The following CNTN4 variants were observed in gnomAD, a reference collection of about 807,000 sequenced individuals.
CNTN4 encodes contactin 4.
CNTN4 carries 77 observed loss-of-function variants against 122.5 expected under a neutral mutation model. That is an observed-to-expected ratio of 0.63 (90% confidence interval 0.52 to 0.76). The LOEUF (loss-of-function observed/expected upper bound fraction) is 0.76, where lower values mean the gene tolerates loss of function less well. Ranked by LOEUF, CNTN4 falls within the 30% of genes least tolerant of loss-of-function variation. CNTN4 has a pLI of 0.00. For synonymous variants in CNTN4, 512 were observed against 447.0 expected (o/e 1.15, Z -1.83); for missense variants, 1,256 against 1,259.1 (o/e 1.00, Z 0.04).
At chr3:2,895,850 G>A (rs187042641) in intron 10 of CNTN4, among the ~76,000 whole-genome samples, 10 of 151,920 alleles carry the variant, frequency 6.6e-5, no homozygotes, top group South Asian at 4.2e-4. Context: ...CTGGCTAACA[G>A]GGTGAAACCC....
chr3:2,725,394 A>C (rs1446384930), intron 4 of CNTN4, among the ~76,000 whole-genome samples: 1 of 152,150 alleles, frequency 6.6e-6, no homozygotes, highest in Non-Finnish European at 1.5e-5. Flanking sequence ...CCTCATTTTT[A>C]ACTGGCTCTC....
At chr3:2,801,135 T>G (rs2092337179) in intron 6 of CNTN4, among the ~76,000 whole-genome samples, 1 of 149,972 alleles carries the variant, frequency 6.7e-6, no homozygotes, top group Admixed American at 6.7e-5. Flanking sequence ...TTTGTCTGCT[T>G]TGTTCATTGT....
At chr3:2,113,205 A>T (rs1313585469) in intron 2 of CNTN4, among the ~76,000 whole-genome samples, 1 of 152,198 alleles carries the variant, frequency 6.6e-6, no homozygotes, top group East Asian at 1.9e-4. Context: ...ATATCTGAAT[A>T]TAACATAATA....
chr3:2,759,176 A>G (rs1398796404), intron 6 of CNTN4, among the ~76,000 whole-genome samples: 1 of 151,670 alleles, frequency 6.6e-6, no homozygotes, highest in Non-Finnish European at 1.5e-5. Flanking sequence ...TTTTTTTGAG[A>G]TGGAGTTTTG....
chr3:2,857,644 T>C (rs1426611356), intron 7 of CNTN4, among the ~76,000 whole-genome samples: 1 of 152,114 alleles, frequency 6.6e-6, no homozygotes, highest in Non-Finnish European at 1.5e-5. Flanking sequence ...GTGGTGCGAT[T>C]ATGGTTCACT....
chr3:2,823,259 G>A (rs570184391), intron 7 of CNTN4, among the ~76,000 whole-genome samples: 165 of 152,302 alleles, frequency 1.1e-3, no homozygotes, highest in Non-Finnish European at 1.8e-3. Context: ...GAAGGGAAAT[G>A]AGTCAGCCTT....
intron 13 of CNTN4, among the ~76,000 whole-genome samples, chr3:2,940,517 C>T (rs2151497414): frequency 6.6e-6 from 1 of 152,124 alleles, no homozygotes; most frequent in East Asian, 1.9e-4. Context: ...ATATTTGTGG[C>T]AAGGATCTCA....
At chr3:2,688,024 T>C (rs544816751) in intron 4 of CNTN4, among the ~76,000 whole-genome samples, 19 of 152,038 alleles carry the variant, frequency 1.2e-4, no homozygotes, top group African/African-American at 4.6e-4. Flanking sequence ...TTGCTCTCAA[T>C]TGAACAGAAA....
At chr3:2,135,065 C>A (rs1159845461) in intron 2 of CNTN4, among the ~76,000 whole-genome samples, 1 of 152,132 alleles carries the variant, frequency 6.6e-6, no homozygotes, top group Non-Finnish European at 1.5e-5. Flanking sequence ...TCAGTAGTAT[C>A]AAGGCTGGGA....
Position 3,057,605 on chromosome 3 carries a change from T to G in CNTN4, c.*1385T>G, listed in dbSNP as rs1303266982. On this transcript the variant is annotated 3_prime_UTR_variant, in exon 25 of 25. Transcript: ENST00000418658. ...TTCTTCTTTCTCAGAGAACTCAAATTTGCTATAGTTTGTCATTTTTGCTTA... is the reference window on the plus strand; with the variant it reads ...TTCTTCTTTCTCAGAGAACTCAAATGTGCTATAGTTTGTCATTTTTGCTTA... The G allele has an allele frequency of 6.6e-6, 1 of 152,616 alleles. No homozygotes were observed. Among genetic ancestry groups the G allele is most frequent in the Admixed American group, 6.5e-5 (1 of 15,276 alleles). 9.5% of individuals were successfully genotyped at this position (152,616 alleles called of 1,614,324 possible).
chr3:2,157,763 A>G (rs73095890), intron 2 of CNTN4, among the ~76,000 whole-genome samples: 3,811 of 152,312 alleles, frequency 0.025, 146 homozygotes, highest in African/African-American at 0.087. Flanking sequence ...TTATAGTTTC[A>G]AATGAATGTT....
At position 2,302,549 on chromosome 3, in the gene CNTN4, G is replaced by A. The variant is rs73807704; in HGVS notation, c.-144-36629G>A. On this transcript the variant is annotated intron_variant, in intron 2 of 24. Coordinates refer to ENST00000418658, the MANE Select transcript of CNTN4 (RefSeq NM_175607.3). Reference sequence around the variant, plus strand: ...TAACTGGTATATATTAACTAAAGTCGTTGAAATATTTAATTTTGAAATGCA... The same window carrying A: ...TAACTGGTATATATTAACTAAAGTCATTGAAATATTTAATTTTGAAATGCA... Among the ~76,000 whole-genome samples, 865 of 152,262 alleles carry A rather than the reference G, an allele frequency of 5.7e-3. 16 individuals carry two copies. Among genetic ancestry groups the A allele is most frequent in the African/African-American group, 0.019 (809 of 41,560 alleles).
chr3:2,145,832 G>A (rs1305967868), intron 2 of CNTN4, among the ~76,000 whole-genome samples: 1 of 151,844 alleles, frequency 6.6e-6, no homozygotes, highest in African/African-American at 2.4e-5. Flanking sequence ...CTTTTAATAT[G>A]AGAATATTTG....
At chr3:2,707,313 A>T (rs1291308412) in intron 4 of CNTN4, among the ~76,000 whole-genome samples, 1 of 151,784 alleles carries the variant, frequency 6.6e-6, no homozygotes, top group Non-Finnish European at 1.5e-5. Flanking sequence ...CTCAAAAAAA[A>T]AAACCCAAAA....
chr3:2,213,647 C>T (rs958947926), intron 2 of CNTN4, among the ~76,000 whole-genome samples: 1 of 152,144 alleles, frequency 6.6e-6, no homozygotes. Flanking sequence ...ATAAAATGCA[C>T]TCCAGGCTCC....
intron 6 of CNTN4, among the ~76,000 whole-genome samples, chr3:2,751,117 T>A (rs2090068779): frequency 6.7e-6 from 1 of 148,442 alleles, no homozygotes; most frequent in African/African-American, 2.5e-5. Flanking sequence ...CTGGCTAACA[T>A]GGTGAAACCC....
intron 4 of CNTN4, among the ~76,000 whole-genome samples, chr3:2,618,804 G>A (rs1302624290): frequency 1.3e-5 from 2 of 152,138 alleles, no homozygotes; most frequent in Non-Finnish European, 2.9e-5. Flanking sequence ...AAAACAATTT[G>A]TGTCTGCTCT....
intron 13 of CNTN4, among the ~76,000 whole-genome samples, chr3:2,961,000 G>A (rs558861950): frequency 2.0e-5 from 3 of 147,636 alleles, no homozygotes; most frequent in South Asian, 4.4e-4. Flanking sequence ...GGAGGCCGAG[G>A]CGGGTGGATC....
rs747724974 is a variant in CNTN4 at position 2,672,331 on chromosome 3, G to C, written c.56-63884G>C. 2.5e-4 allele frequency among the ~76,000 whole-genome samples: 38 copies of C among 152,250 alleles called. No individual in the cohort carries two copies. In the Middle Eastern group the frequency reaches 0.01, roughly 41 times the overall value. The stretch of plus-strand genomic sequence containing the variant: ...AGCAATGGTGGGCGCCCCTCCCCCA[G>C]CCTCGCTGCTGCCTTGCAGTTTGAT... On this transcript the variant is annotated intron_variant, in intron 4 of 24. Transcript: ENST00000418658.
Sources: allele counts gnomAD v4.1 joint callset (sites outside exome capture counted in the v4.1 genomes callset), GRCh38; gene constraint gnomAD v4.1.1; transcripts MANE v1.5; gene names NCBI Gene and HGNC (gene_info 2026-07-23, HGNC 2026-07-21).